Variants in PLEKHA5 observed in about 807,000 individuals in gnomAD.
PLEKHA5 encodes the protein pleckstrin homology domain containing A5.
Under a neutral mutation model 181.9 loss-of-function variants are expected in PLEKHA5, and 55 were observed. That is an observed-to-expected ratio of 0.30 (90% CI 0.24 to 0.38). The LOEUF (loss-of-function observed/expected upper bound fraction) is 0.38. Among genes scored for constraint, PLEKHA5 ranks in the 10% least tolerant of loss-of-function variants. The probability of loss-of-function intolerance (pLI) is 1.00; values close to 1 mark genes in which losing one functional copy is unlikely to be tolerated. For synonymous variants in PLEKHA5, 535 were observed against 529.4 expected, an observed-to-expected ratio of 1.01 and a Z score of -0.15; for missense variants, 1,432 against 1,549.5, an observed-to-expected ratio of 0.92 and a Z score of 1.27.
chr12:19,148,826 T>C (rs1247285162), intron 3 of PLEKHA5, among the ~76,000 whole-genome samples: 1 of 152,226 alleles, frequency 6.6e-6, no homozygotes, highest in Non-Finnish European at 1.5e-5. Flanking sequence ...GTTATTTTGT[T>C]GTTAACAGAA....
In PLEKHA5 at chr12:19,336,602, C is replaced by T. The variant is rs764229544; in HGVS notation, c.2536C>T (p.Leu846Phe). 6.3e-7 allele frequency: 1 copy of T among 1,581,626 alleles called. No individual in the cohort carries two copies. The highest frequency in any genetic ancestry group is 1.7e-5 in the Admixed American group (1 of 59,566). The change falls in exon 21 of 32, where the codon CTT becomes TTT. Residue 846 changes from leucine to phenylalanine, a missense_variant. Physicochemically the swap from Leu to Phe is conservative, Grantham distance 22 (BLOSUM62 0). Around this residue, in one of 2 missense-constraint regions of PLEKHA5, gnomAD observed 1,143 missense variants for 1,168.4 expected, o/e 0.98. Transcript: ENST00000429027. The part of the protein sequence containing the change: ...RNQMQEQLDH[L>F]GEVQTESAGI... ...CCAGATGCAAGAGCAGCTGGATCAC[C>T]TTGGTGAAGTTCAGGTACAAAAGTA... is the stretch of plus-strand genomic sequence containing the variant.
chr12:19,300,125 G>A (rs534153981), intron 15 of PLEKHA5, among the ~76,000 whole-genome samples: 11 of 152,214 alleles, frequency 7.2e-5, no homozygotes, highest in Non-Finnish European at 1.6e-4. Context: ...AGGCTCTGCA[G>A]CATATGGACC....
At chr12:19,278,296 C>G (rs999873263) in intron 11 of PLEKHA5, among the ~76,000 whole-genome samples, 1 of 152,112 alleles carries the variant, frequency 6.6e-6, no homozygotes, top group African/African-American at 2.4e-5. Flanking sequence ...ATATACGTCT[C>G]TACAACAGGG....
At position 19,200,236 on chromosome 12, in the gene PLEKHA5, C is replaced by T. The variant is rs2053887049; in HGVS notation, c.228-53704C>T. On this transcript the variant is annotated intron_variant, in intron 3 of 31. Coordinates refer to ENST00000429027, the MANE Select transcript of PLEKHA5 (RefSeq NM_001256470.2). ...TTCCATGCAGCAACAAAAGTATCACCCATCCCCCTTAAATATGTATAGATA... is the reference window on the plus strand; with the variant it reads ...TTCCATGCAGCAACAAAAGTATCACTCATCCCCCTTAAATATGTATAGATA... The T allele has an allele frequency of 2.1e-5, 18 of 877,580 alleles. 1 individual carries two copies. The South Asian group carries it at 2.3e-4, about 11-fold the overall frequency. The allele number at this position is 877,580 out of a possible 1,614,324, so 54.4% of individuals were successfully genotyped here. A position where few individuals can be genotyped will look rare whatever the true frequency, so the allele number is the denominator to read the frequency against.
At position 19,283,311 on chromosome 12, in the gene PLEKHA5, A is replaced by G; in HGVS notation, c.1345A>G (p.Met449Val). ...VISYQTLPRN[M>V]PSHRAQIMAR... ...TTCTTACCAAACATTACCAAGAAATATGCCAAGTCACAGAGCCCAGATTAT... is the reference window on the plus strand; with the variant it reads ...TTCTTACCAAACATTACCAAGAAATGTGCCAAGTCACAGAGCCCAGATTAT... Residue 449 changes from methionine (M) to valine (V), a missense_variant, in exon 12 of 32, where the codon ATG (methionine) becomes GTG (valine). By Grantham distance (21) the Met-to-Val change is conservative (BLOSUM62 1). Coordinates refer to ENST00000429027, the MANE Select transcript of PLEKHA5 (RefSeq NM_001256470.2). 3 of 1,612,056 alleles carry G rather than the reference A, an allele frequency of 1.9e-6. No individual in the cohort carries two copies. In the South Asian group the frequency reaches 3.3e-5, roughly 18 times the overall value.
intron 3 of PLEKHA5, among the ~76,000 whole-genome samples, chr12:19,244,535 T>C (rs1402905181): frequency 2.6e-5 from 4 of 152,256 alleles, no homozygotes; most frequent in Non-Finnish European, 5.9e-5. Context: ...TGGCCTTTGT[T>C]GCCAGGAGTG....
intron 3 of PLEKHA5, among the ~76,000 whole-genome samples, chr12:19,248,034 AT>A (rs757598103): frequency 1.3e-5 from 2 of 151,658 alleles, no homozygotes; most frequent in South Asian, 2.1e-4. Context: ...GGGCTCAAAC[AT>A]TTCTCCTGCT....
intron 12 of PLEKHA5, among the ~76,000 whole-genome samples, chr12:19,284,152 T>G (rs1287465818): frequency 2.0e-5 from 3 of 152,162 alleles, no homozygotes; most frequent in Non-Finnish European, 1.5e-5. Flanking sequence ...CACTGCAACC[T>G]CTGCCTCCCG....
intron 3 of PLEKHA5, among the ~76,000 whole-genome samples, chr12:19,156,794 C>A (rs2041823990): frequency 6.6e-6 from 1 of 151,326 alleles, no homozygotes; most frequent in African/African-American, 2.4e-5. Context: ...CCTGTAGTCC[C>A]TGCACTTTGG....
In PLEKHA5 at chr12:19,287,551, A is replaced by G; in HGVS notation, c.1858A>G (p.Lys620Glu). 3 of 1,566,388 alleles carry G rather than the reference A, an allele frequency of 1.9e-6. No individual in the cohort carries two copies. The highest frequency in any genetic ancestry group is 1.8e-6 in the Non-Finnish European group (2 of 1,138,216). Residue 620 changes from lysine (K) to glutamate (E), a missense_variant, in exon 13 of 32, where the codon AAA (lysine) becomes GAA (glutamate). Around this residue, in one of 2 missense-constraint regions of PLEKHA5, gnomAD observed 1,143 missense variants for 1,168.4 expected, o/e 0.98. Transcript: ENST00000429027. ...TGTTAGTCCCCAGAGCCTCCAAGGG[A>G]AAACGGTGAGTAATATCTTTATTTA... The part of the protein sequence containing the change: ...QSVSPQSLQG[K>E]TPEELTLLLI...
chr12:19,300,579 G>A (rs910184796), intron 15 of PLEKHA5, among the ~76,000 whole-genome samples: 1 of 152,070 alleles, frequency 6.6e-6, no homozygotes, highest in African/African-American at 2.4e-5. Flanking sequence ...ATGGAACTCA[G>A]GATGCAAAGA....
intron 30 of PLEKHA5, among the ~76,000 whole-genome samples, chr12:19,366,607 C>T (rs551164550): frequency 1.4e-3 from 206 of 152,190 alleles, no homozygotes; most frequent in African/African-American, 4.8e-3. Flanking sequence ...GAGCCGAGAT[C>T]GTGCCACTGC....
chr12:19,161,115 A>G (rs897127109), intron 3 of PLEKHA5, among the ~76,000 whole-genome samples: 4 of 152,216 alleles, frequency 2.6e-5, no homozygotes, highest in African/African-American at 7.2e-5. Flanking sequence ...CTATATTAAT[A>G]TTTTAAGTTA....
intron 3 of PLEKHA5, among the ~76,000 whole-genome samples, chr12:19,174,957 A>T (rs1272691067): frequency 6.6e-6 from 1 of 152,096 alleles, no homozygotes; most frequent in African/African-American, 2.4e-5. Flanking sequence ...TTGCATATGT[A>T]GCATTTTAAC....
intron 13 of PLEKHA5, among the ~76,000 whole-genome samples, chr12:19,290,029 A>C (rs1328877012): frequency 6.6e-6 from 1 of 151,580 alleles, no homozygotes. Context: ...TGCAAACTCC[A>C]CCTCCTGGAT....
chr12:19,230,429 G>A (rs1324337623), intron 3 of PLEKHA5, among the ~76,000 whole-genome samples: 2 of 152,182 alleles, frequency 1.3e-5, no homozygotes, highest in Non-Finnish European at 2.9e-5. Flanking sequence ...CGTCGGGGAG[G>A]CTTGGGCCGT....
At chr12:19,374,652 C>G (rs1352961797) in intron 31 of PLEKHA5, among the ~76,000 whole-genome samples, 1 of 146,246 alleles carries the variant, frequency 6.8e-6, no homozygotes, top group African/African-American at 2.6e-5. Context: ...GAGCGAGACT[C>G]AGTCTCAAAA....
At chr12:19,200,175 G>A (rs1592039640) in intron 3 of PLEKHA5, 2 of 570,758 alleles carry the variant, frequency 3.5e-6, no homozygotes, top group East Asian at 5.7e-5. Context: ...TTGAGGTGAT[G>A]GATCCCCTCA....
At chr12:19,292,310 G>A (rs1489650182) in intron 15 of PLEKHA5, among the ~76,000 whole-genome samples, 1 of 152,150 alleles carries the variant, frequency 6.6e-6, no homozygotes, top group African/African-American at 2.4e-5. Flanking sequence ...GGAGGCTGAG[G>A]CATGAGAATT....
Sources: gnomAD v4.1 joint callset for allele counts (sites outside exome capture counted in the v4.1 genomes callset) on GRCh38, gnomAD v4.1.1 for gene constraint, gnomAD v4.1.1 regional missense constraint, MANE v1.5 for transcripts, NCBI Gene and HGNC (gene_info 2026-07-23, HGNC 2026-07-21) for gene names.